The following AUTS2 variants were observed in gnomAD, a reference collection of about 807,000 sequenced individuals.
The protein encoded by AUTS2 is activator of transcription and developmental regulator AUTS2.
A neutral mutation model predicts 112.4 loss-of-function variants in AUTS2; 17 were observed. The observed-to-expected ratio is 0.15, with a 90% confidence interval of 0.10 to 0.23. The LOEUF (loss-of-function observed/expected upper bound fraction) is 0.23, where lower values mean the gene tolerates loss of function less well. AUTS2 is among the 10% of genes least tolerant of loss of function. The pLI is 1.00. For synonymous variants in AUTS2, 751 were observed against 702.7 expected (o/e 1.07, Z -1.09); for missense variants, 1,510 against 1,701.6 (o/e 0.89, Z 1.98).
chr7:70,574,520 T>G (rs189580372), intron 5 of AUTS2, among the ~76,000 whole-genome samples: 1 of 152,322 alleles, frequency 6.6e-6, no homozygotes, highest in East Asian at 1.9e-4. Context: ...GCCTACATAG[T>G]ACAAGCAACG....
chr7:69,777,337 ATTG>A (rs1215006690), intron 1 of AUTS2, among the ~76,000 whole-genome samples: 2 of 152,140 alleles, frequency 1.3e-5, no homozygotes, highest in African/African-American at 2.4e-5. Flanking sequence ...TGTTAATGGA[ATTG>A]TTGTATGTAT....
chr7:70,327,638 G>C (rs1175436244), intron 4 of AUTS2, among the ~76,000 whole-genome samples: 1 of 152,124 alleles, frequency 6.6e-6, no homozygotes, highest in Non-Finnish European at 1.5e-5. Context: ...AGCTAGTACA[G>C]CAGCATCCTG....
At chr7:70,112,635 A>G (rs1805143253) in intron 2 of AUTS2, among the ~76,000 whole-genome samples, 1 of 151,976 alleles carries the variant, frequency 6.6e-6, no homozygotes, top group South Asian at 2.1e-4. Context: ...ATAAAAGGTA[A>G]AGACTGTACC....
At chr7:70,008,778 A>G (rs939312242) in intron 2 of AUTS2, among the ~76,000 whole-genome samples, 8 of 152,342 alleles carry the variant, frequency 5.3e-5, no homozygotes, top group African/African-American at 1.4e-4. Context: ...CCGTATCACT[A>G]AAATTTCCAC....
intron 5 of AUTS2, among the ~76,000 whole-genome samples, chr7:70,546,407 G>A (rs1222020876): frequency 6.6e-6 from 1 of 151,882 alleles, no homozygotes; most frequent in Non-Finnish European, 1.5e-5. Context: ...TTGCACCACT[G>A]CACTCCAGCC....
intron 1 of AUTS2, among the ~76,000 whole-genome samples, chr7:69,886,510 A>C (rs1222334088): frequency 6.6e-6 from 1 of 152,200 alleles, no homozygotes; most frequent in Non-Finnish European, 1.5e-5. Context: ...TTTTGCCAGA[A>C]GTTGCTTTTT....
intron 5 of AUTS2, among the ~76,000 whole-genome samples, chr7:70,684,629 G>A (rs1348501748): frequency 3.3e-5 from 5 of 151,030 alleles, no homozygotes; most frequent in East Asian, 3.9e-4. Flanking sequence ...ATGGTGTGGC[G>A]TGGTATGGTG....
intron 4 of AUTS2, among the ~76,000 whole-genome samples, chr7:70,210,820 A>G (rs1810842249): frequency 6.6e-6 from 1 of 152,212 alleles, no homozygotes; most frequent in Admixed American, 6.5e-5. Flanking sequence ...GTGTTCTTAT[A>G]AGCTCATCCT....
intron 4 of AUTS2, among the ~76,000 whole-genome samples, chr7:70,403,801 C>T (rs1794422661): frequency 1.3e-5 from 2 of 152,122 alleles, no homozygotes; most frequent in African/African-American, 2.4e-5. Flanking sequence ...CAGTTTGGGT[C>T]CTCTTACACG....
chr7:70,073,314 C>A (rs1177486446), intron 2 of AUTS2, among the ~76,000 whole-genome samples: 1 of 151,660 alleles, frequency 6.6e-6, no homozygotes, highest in Admixed American at 6.6e-5. Context: ...AGTTCGAGAC[C>A]AGCCTGACCA....
chr7:70,563,332 T>C (rs1051768820), intron 5 of AUTS2, among the ~76,000 whole-genome samples: 1 of 152,232 alleles, frequency 6.6e-6, no homozygotes, highest in Non-Finnish European at 1.5e-5. Context: ...GTGGTAGCCC[T>C]TTCCAAAGTA....
chr7:69,985,227 T>TA (rs71068005), intron 2 of AUTS2, among the ~76,000 whole-genome samples: 22,572 of 104,432 alleles, frequency 0.22, 2,373 homozygotes, highest in African/African-American at 0.29. Flanking sequence ...GAAGACTCTC[T>TA]AAAAAAAAAA....
chr7:70,521,936 G>T (rs575778062), intron 5 of AUTS2, among the ~76,000 whole-genome samples: 1 of 152,068 alleles, frequency 6.6e-6, no homozygotes. Flanking sequence ...CAGCTGATAG[G>T]GCTATTGAGA....
chr7:70,327,676 G>A (rs754754259), intron 4 of AUTS2, among the ~76,000 whole-genome samples: 4 of 152,112 alleles, frequency 2.6e-5, no homozygotes, highest in African/African-American at 9.7e-5. Context: ...TGTTCTGGGC[G>A]TAATCATCCC....
At chr7:70,321,435 G>A (rs1169688518) in intron 4 of AUTS2, among the ~76,000 whole-genome samples, 2 of 152,102 alleles carry the variant, frequency 1.3e-5, no homozygotes, top group African/African-American at 4.8e-5. Flanking sequence ...TATAAATGTT[G>A]GCAGTGTTGT....
chr7:70,433,930 T>A (rs1191212510), intron 4 of AUTS2, among the ~76,000 whole-genome samples: 1 of 152,212 alleles, frequency 6.6e-6, no homozygotes, highest in African/African-American at 2.4e-5. Flanking sequence ...TAAGGTAACT[T>A]AGTGTTTTCT....
chr7:70,254,304 T>C (rs1584937024), intron 4 of AUTS2, among the ~76,000 whole-genome samples: 1 of 152,336 alleles, frequency 6.6e-6, no homozygotes, highest in South Asian at 2.1e-4. Flanking sequence ...TAATCATTAA[T>C]GTAATTTACT....
rs756213882 is a variant in AUTS2 at position 70,781,716 on chromosome 7, C to T, written c.2106C>T (p.Pro702=). ...GTCTTTTTGGAGCCATCCACCACCC[C>T]CATGACCTGGCACGGCCTTCAACTT... is the stretch of plus-strand genomic sequence containing the variant. ...GPSLFGAIHH[P]HDLARPSTLF... is the part of the protein sequence containing the mutation. The change falls in exon 15 of 19, where the codon CCC becomes CCT. Residue 702 remains proline, a synonymous_variant. Coordinates refer to ENST00000342771, the MANE Select transcript of AUTS2 (RefSeq NM_015570.4). 1.2e-6 allele frequency: 2 copies of T among 1,614,204 alleles called. No individual in the cohort carries two copies. Among genetic ancestry groups the T allele is most frequent in the Admixed American group, 3.3e-5 (2 of 60,028 alleles).
intron 1 of AUTS2, among the ~76,000 whole-genome samples, chr7:69,659,844 T>C (rs1795716723): frequency 6.6e-6 from 1 of 152,228 alleles, no homozygotes; most frequent in South Asian, 2.1e-4. Context: ...ATTTTATGAC[T>C]CAGCTACCTG....
Sources: gnomAD v4.1 joint callset for allele counts (sites outside exome capture counted in the v4.1 genomes callset) on GRCh38, gnomAD v4.1.1 for gene constraint, MANE v1.5 for transcripts, NCBI Gene and HGNC (gene_info 2026-07-23, HGNC 2026-07-21) for gene names.